The following MAML3 variants were observed in gnomAD, a reference collection of about 807,000 sequenced individuals.
The protein encoded by MAML3 is mastermind like transcriptional coactivator 3, also known as mastermind-like protein 3.
A neutral mutation model predicts 101.9 loss-of-function variants in MAML3; 27 were observed. That is an observed-to-expected ratio of 0.27 (90% CI 0.20 to 0.37). The LOEUF is 0.37. Among genes scored for constraint, MAML3 ranks in the 10% least tolerant of loss-of-function variants. MAML3 has a pLI of 1.00. For synonymous variants in MAML3, 501 were observed against 555.9 expected (o/e 0.90, Z 1.39); for missense variants, 1,316 against 1,444.9 (o/e 0.91, Z 1.45).
At chr4:139,935,643 G>GTT (rs139159033) in intron 1 of MAML3, among the ~76,000 whole-genome samples, 1 of 137,720 alleles carries the variant, frequency 7.3e-6, no homozygotes, top group East Asian at 2.2e-4. Context: ...GGGTTTTTTT[G>GTT]TTTTTTTTTT....
chr4:139,720,067 G>C lies in MAML3; in HGVS notation c.2673C>G (p.Ser891Arg), dbSNP rs771464306. ...MLQHPNQSGM[S>R]ITHNQAQGPR... ...GTCCCTGGGCTTGGTTATGTGTGATGCTCATGCCACTTTGGTTTGGATGCT... is the reference window on the plus strand; with the variant it reads ...GTCCCTGGGCTTGGTTATGTGTGATCCTCATGCCACTTTGGTTTGGATGCT... Residue 891 changes from serine (S) to arginine (R), a missense_variant, in exon 5 of 5, where the codon AGC (serine) becomes AGG (arginine). By Grantham distance (110) the Ser-to-Arg change is moderately radical. Transcript: ENST00000509479. 1.4e-5 allele frequency: 22 copies of C among 1,613,968 alleles called. No homozygotes were observed. The highest frequency in any genetic ancestry group is 3.3e-5 in the Admixed American group (2 of 60,016).
chr4:139,873,707 C>T (rs1047620216), intron 2 of MAML3, among the ~76,000 whole-genome samples: 1 of 152,136 alleles, frequency 6.6e-6, no homozygotes, highest in Non-Finnish European at 1.5e-5. Flanking sequence ...CTGAGGCCTC[C>T]AGTCAGCAGC....
chr4:140,040,628 G>A (rs1045451281), intron 1 of MAML3, among the ~76,000 whole-genome samples: 4 of 152,148 alleles, frequency 2.6e-5, no homozygotes, highest in Non-Finnish European at 4.4e-5. Flanking sequence ...TACAGGGTAC[G>A]GTGATGAACA....
intron 1 of MAML3, among the ~76,000 whole-genome samples, chr4:140,100,527 G>A (rs922019053): frequency 1.3e-5 from 2 of 152,096 alleles, no homozygotes; most frequent in Non-Finnish European, 2.9e-5. Flanking sequence ...ATTTCTTAGT[G>A]GAAAAACATA....
intron 1 of MAML3, among the ~76,000 whole-genome samples, chr4:139,976,125 C>T (rs1734335368): frequency 1.3e-5 from 2 of 152,198 alleles, no homozygotes; most frequent in Non-Finnish European, 2.9e-5. Flanking sequence ...ACGTGCCATA[C>T]TTTCCTTTTA....
intron 2 of MAML3, among the ~76,000 whole-genome samples, chr4:139,880,511 T>C (rs1732197173): frequency 1.3e-5 from 2 of 152,122 alleles, no homozygotes; most frequent in African/African-American, 4.8e-5. Context: ...GTCATGAACC[T>C]AAACTGTTTT....
chr4:139,724,947 C>T (rs953010191), intron 4 of MAML3, among the ~76,000 whole-genome samples: 4 of 151,972 alleles, frequency 2.6e-5, no homozygotes, highest in African/African-American at 9.7e-5. Flanking sequence ...TTTAGAGAGA[C>T]AGGGTTTTGC....
intron 1 of MAML3, among the ~76,000 whole-genome samples, chr4:140,083,963 CACACAGAGAGAGAGAGAGAGAGAGAG>C (rs1318428621): frequency 7.4e-5 from 5 of 67,402 alleles, no homozygotes; most frequent in African/African-American, 1.3e-4. Context: ...CACACACACA[CACACAGAGAGAGAGAGAGAGAGAGAG>C]AGAGAGAGAG....
chr4:140,151,192 AGGAGGAGGAAG>A (rs957171759), intron 1 of MAML3, among the ~76,000 whole-genome samples: 8 of 150,180 alleles, frequency 5.3e-5, no homozygotes, highest in African/African-American at 1.5e-4. Context: ...GAGTGGCTGG[AGGAGGAGGAAG>A]GGAGGAGGAA....
rs572729978 is a variant in MAML3 at position 139,885,899 on chromosome 4, C to T, written c.2079+3458G>A. On this transcript the variant is annotated intron_variant, in intron 2 of 4. Coordinates refer to ENST00000509479, the MANE Select transcript of MAML3 (RefSeq NM_018717.5). ...AGTGAGCAGAGATCGCGCCACTGCA[C>T]TCCAGCCTGGGCGACAGGGCAAGAC... Among the ~76,000 whole-genome samples the T allele has an allele frequency of 6.3e-3, 713 of 112,480 alleles. 4 individuals carry two copies. The highest frequency in any genetic ancestry group is 0.022 in the African/African-American group (690 of 31,624). 73.8% of individuals were successfully genotyped at this position (112,480 alleles called of 152,430 possible).
At chr4:140,103,694 T>A (rs1404904051) in intron 1 of MAML3, among the ~76,000 whole-genome samples, 1 of 152,228 alleles carries the variant, frequency 6.6e-6, no homozygotes, top group Non-Finnish European at 1.5e-5. Flanking sequence ...ATGTGAATCA[T>A]TCTACAACAA....
intron 2 of MAML3, among the ~76,000 whole-genome samples, chr4:139,835,188 C>T (rs1382285511): frequency 6.6e-6 from 1 of 152,244 alleles, no homozygotes; most frequent in African/African-American, 2.4e-5. Flanking sequence ...GAGGTGACCC[C>T]TTCATCCCAG....
At chr4:139,850,101 TC>T (rs1056625289) in intron 2 of MAML3, among the ~76,000 whole-genome samples, 1 of 151,652 alleles carries the variant, frequency 6.6e-6, no homozygotes, top group Admixed American at 6.6e-5. Flanking sequence ...TCAGTATATT[TC>T]CCCCCCTACA....
chr4:140,107,973 C>T (rs1728380332), intron 1 of MAML3, among the ~76,000 whole-genome samples: 1 of 151,646 alleles, frequency 6.6e-6, no homozygotes, highest in African/African-American at 2.4e-5. Flanking sequence ...AACTACCATG[C>T]AAATTAACAA....
intron 1 of MAML3, among the ~76,000 whole-genome samples, chr4:140,017,345 C>T (rs557668665): frequency 6.6e-6 from 1 of 152,134 alleles, no homozygotes; most frequent in Admixed American, 6.5e-5. Context: ...TTGTACATTG[C>T]TGGTAGACAA....
chr4:139,858,456 T>C (rs200696509), intron 2 of MAML3, among the ~76,000 whole-genome samples: 1 of 8,258 alleles, frequency 1.2e-4, no homozygotes, highest in African/African-American at 5.6e-4. Context: ...TCTTGGCTTT[T>C]TTTTTTTTTT....
chr4:140,014,010 T>C (rs953496807), intron 1 of MAML3, among the ~76,000 whole-genome samples: 1 of 152,222 alleles, frequency 6.6e-6, no homozygotes, highest in Non-Finnish European at 1.5e-5. Context: ...CTTTCAGTGG[T>C]ATGGGCAAAG....
chr4:139,804,762 AAC>A (rs1163554540), intron 2 of MAML3, among the ~76,000 whole-genome samples: 1 of 152,224 alleles, frequency 6.6e-6, no homozygotes, highest in Admixed American at 6.5e-5. Context: ...TTGTAACAGA[AAC>A]AATTTATGTT....
chr4:139,768,938 A>G lies in MAML3; in HGVS notation c.2080-38271T>C, dbSNP rs531654596. Among the ~76,000 whole-genome samples, 3 of 152,292 alleles carry G rather than the reference A, an allele frequency of 2.0e-5. No homozygotes were observed. The East Asian group carries it at 5.8e-4, about 29-fold the overall frequency. ...TTAAATTCACCTGGCTTCGGTCAAC[A>G]TTGACAGAAGGTGTACATGACTCTA... On this transcript the variant is annotated intron_variant, in intron 2 of 4. Transcript: ENST00000509479.
Sources: gnomAD v4.1 joint callset for allele counts (sites outside exome capture counted in the v4.1 genomes callset) on GRCh38, gnomAD v4.1.1 for gene constraint, MANE v1.5 for transcripts, NCBI Gene and HGNC (gene_info 2026-07-23, HGNC 2026-07-21) for gene names.